ZW10: variants seen among roughly 807,000 people sequenced by gnomAD.
ZW10 encodes the protein zw10 kinetochore protein.
In ZW10, 53 loss-of-function variants were observed where a neutral mutation model predicts 87.8. That is an observed-to-expected ratio of 0.60 (90% confidence interval 0.48 to 0.76). The LOEUF is 0.76. ZW10 is among the 30% of genes least tolerant of loss of function. ZW10 has a pLI of 0.00. For missense variants in ZW10, 837 were observed against 923.0 expected (o/e 0.91, Z 1.21); for synonymous variants, 312 against 329.2 (o/e 0.95, Z 0.57).
intron 12 of ZW10, 39 bp downstream of exon 12, chr11:113,739,171 TGCA>T: frequency 6.3e-7 from 1 of 1,592,882 alleles, no homozygotes; most frequent in Non-Finnish European, 8.6e-7. Context: ...GTTGACAAGC[TGCA>T]TAATCCATAT....
chr11:113,749,910 T>C (rs10891592), intron 7 of ZW10, among the ~76,000 whole-genome samples: 33,860 of 152,058 alleles, frequency 0.22, 3,999 homozygotes, highest in East Asian at 0.42. Flanking sequence ...CCCAACATGA[T>C]TTTTTTCTCC....
At chr11:113,735,569 T>C (rs750080711) in intron 15 of ZW10, among the ~76,000 whole-genome samples, 4 of 152,054 alleles carry the variant, frequency 2.6e-5, no homozygotes, top group Admixed American at 6.6e-5. Context: ...CTAAAGCAGA[T>C]AGACAAGTAC....
chr11:113,741,037 T>A (rs1591410283), intron 11 of ZW10, among the ~76,000 whole-genome samples: 1 of 151,360 alleles, frequency 6.6e-6, no homozygotes, highest in Non-Finnish European at 1.5e-5. Context: ...TAAGCTTTTA[T>A]AATAAAAACA....
chr11:113,758,452 T>C, intron 6 of ZW10, 102 bp downstream of exon 6: 1 of 1,162,362 alleles, frequency 8.6e-7, no homozygotes, highest in Non-Finnish European at 1.2e-6. Context: ...CCAGACCCTA[T>C]ACTAATACTC....
At chr11:113,740,487 G>C (rs1201227306) in intron 11 of ZW10, among the ~76,000 whole-genome samples, 1 of 152,136 alleles carries the variant, frequency 6.6e-6, no homozygotes, top group African/African-American at 2.4e-5. Flanking sequence ...GGGAGGCTAA[G>C]ATGGGAAGAT....
intron 12 of ZW10, 31 bp downstream of exon 12, chr11:113,739,182 T>C (rs1053576729): frequency 6.2e-7 from 1 of 1,610,488 alleles, no homozygotes; most frequent in East Asian, 2.2e-5. Context: ...GCATAATCCA[T>C]ATGCTTTCCT....
chr11:113,742,744 C>T (rs1456430034), intron 10 of ZW10, among the ~76,000 whole-genome samples: 1 of 152,182 alleles, frequency 6.6e-6, no homozygotes, highest in Non-Finnish European at 1.5e-5. Flanking sequence ...ATTTTGCCAA[C>T]AGTCACTCCT....
rs752204269 is a variant in ZW10, at chr11:113,760,934, A to T, written c.241-16T>A. 2 of 1,609,946 alleles carry T rather than the reference A, an allele frequency of 1.2e-6. No individual in the cohort carries two copies. Among genetic ancestry groups the T allele is most frequent in the Non-Finnish European group, 1.7e-6 (2 of 1,176,660 alleles). On this transcript the variant is annotated splice_polypyrimidine_tract_variant and intron_variant, in intron 2 of 15. Transcript: ENST00000200135. ...CCCGGCGGACCTAATTCACACATCA[A>T]AAACAAGTACTTTTAAGCTATACCA...
chr11:113,765,004 G>A (rs925935486), intron 2 of ZW10, among the ~76,000 whole-genome samples: 6 of 152,270 alleles, frequency 3.9e-5, no homozygotes, highest in Admixed American at 6.5e-5. Context: ...AGGGACATCT[G>A]GCAATGTCTG....
At chr11:113,736,912 A>G (rs1239751633) in intron 14 of ZW10, 90 bp from the exon 15 acceptor site, 1 of 1,216,150 alleles carries the variant, frequency 8.2e-7, no homozygotes, top group Non-Finnish European at 1.2e-6. Flanking sequence ...CATGCTGTCC[A>G]GGTGGGTCAG....
intron 6 of ZW10, 140 bp from the exon 7 acceptor site, chr11:113,757,993 G>A (rs1206875875): frequency 8.7e-6 from 5 of 576,028 alleles, no homozygotes; most frequent in African/African-American, 3.9e-5. Flanking sequence ...CCAACATGGT[G>A]AGATCCCGTC....
intron 2 of ZW10, among the ~76,000 whole-genome samples, chr11:113,764,120 C>T (rs1048275338): frequency 5.3e-5 from 8 of 152,318 alleles, no homozygotes; most frequent in African/African-American, 1.7e-4. Context: ...AATAGCAGAT[C>T]CTTTCCCCAT....
rs934666256 is a variant in ZW10 at position 113,773,496 on chromosome 11, C to T, written c.105+66G>A. On this transcript the variant is annotated intron_variant, in intron 1 of 15. Coordinates refer to ENST00000200135, the MANE Select transcript of ZW10 (RefSeq NM_004724.4). ...TCTGCCCTTAGCCCCTGACTCCTCT[C>T]TCCAGTCCCTTCACACAAGGACCCG... 2.5e-5 allele frequency: 36 copies of T among 1,423,792 alleles called. No individual in the cohort carries two copies. In the African/African-American group the frequency reaches 4.5e-4, roughly 18 times the overall value. 88.2% of individuals were successfully genotyped at this position (1,423,792 alleles called of 1,614,324 possible).
chr11:113,759,469 C>G (rs1953834125), intron 5 of ZW10, among the ~76,000 whole-genome samples: 2 of 152,022 alleles, frequency 1.3e-5, no homozygotes, highest in African/African-American at 4.8e-5. Context: ...GGAAAGGGAA[C>G]AGGGGGAGAA....
At chr11:113,757,333 C>T (rs1364022671) in intron 7 of ZW10, among the ~76,000 whole-genome samples, 1 of 152,180 alleles carries the variant, frequency 6.6e-6, no homozygotes, top group African/African-American at 2.4e-5. Flanking sequence ...TTCATTTCTT[C>T]TTCTCCTATA....
At chr11:113,745,651 C>T (rs776712932) in intron 9 of ZW10, among the ~76,000 whole-genome samples, 8 of 151,996 alleles carry the variant, frequency 5.3e-5, no homozygotes, top group Non-Finnish European at 8.8e-5. Context: ...ACATAAGATT[C>T]GAAAAGGTGA....
intron 6 of ZW10, among the ~76,000 whole-genome samples, chr11:113,758,339 TC>T (rs1953817749): frequency 7.5e-6 from 1 of 132,900 alleles, no homozygotes; most frequent in African/African-American, 2.8e-5. Context: ...TTTAAATTAT[TC>T]AAAAACCAAA....
At position 113,760,876 on chromosome 11, in the gene ZW10, A is replaced by C; in HGVS notation, c.283T>G (p.Leu95Val). 6.2e-7 allele frequency: 1 copy of C among 1,614,090 alleles called. No individual in the cohort carries two copies. Residue 95 changes from leucine (L) to valine (V), a missense_variant, in exon 3 of 16, where the codon TTA (leucine) becomes GTA (valine). Leu to Val is a conservative substitution (Grantham distance 32, BLOSUM62 1). Coordinates refer to ENST00000200135, the MANE Select transcript of ZW10 (RefSeq NM_004724.4). ...GAGTCTCTTTCCAACTGCTGCTTTA[A>C]GTCTGTAAATTCACCGGTTGATACG... ...LHVSTGEFTDLKQQLERDSVV... is the reference protein window; with the variant it reads ...LHVSTGEFTDVKQQLERDSVV...
At chr11:113,755,325 T>C (rs1953772833) in intron 7 of ZW10, among the ~76,000 whole-genome samples, 1 of 152,182 alleles carries the variant, frequency 6.6e-6, no homozygotes, top group Non-Finnish European at 1.5e-5. Context: ...AAGAAGTTGA[T>C]TCCAACCCTC....
Sources: allele counts gnomAD v4.1 joint callset (sites outside exome capture counted in the v4.1 genomes callset), GRCh38; gene constraint gnomAD v4.1.1; transcripts MANE v1.5; gene names NCBI Gene and HGNC (gene_info 2026-07-23, HGNC 2026-07-21).